NEO1: variants seen among roughly 807,000 people sequenced by gnomAD.
NEO1 encodes the protein neogenin.
In NEO1, 63 loss-of-function variants were observed where a neutral mutation model predicts 159.7. The ratio of observed to expected loss-of-function variants is 0.39; its 90% CI spans 0.32 to 0.49. The LOEUF is 0.49. NEO1 is among the 20% of genes least tolerant of loss of function. NEO1 has a pLI of 0.85. For synonymous variants in NEO1, 633 were observed against 662.0 expected (o/e 0.96, Z 0.67); for missense variants, 1,615 against 1,831.0 (o/e 0.88, Z 2.15).
At position 73,136,043 on chromosome 15, in the gene NEO1, C is replaced by A; in HGVS notation, c.1015+16C>A. 1 of 1,576,936 alleles carries A rather than the reference C, an allele frequency of 6.3e-7. No homozygotes were observed. Among genetic ancestry groups the A allele is most frequent in the Non-Finnish European group, 8.6e-7 (1 of 1,167,014 alleles). Reference sequence around the variant, plus strand: ...ACAGTGCAAGGTATGTAAATATTTACTGTATAATTTAAAAATCCTGTGTAC... The same window carrying A: ...ACAGTGCAAGGTATGTAAATATTTAATGTATAATTTAAAAATCCTGTGTAC... On this transcript the variant is annotated intron_variant, in intron 5 of 28. Coordinates refer to ENST00000261908, the MANE Select transcript of NEO1 (RefSeq NM_002499.4).
chr15:73,169,693 G>C (rs1410993590), intron 5 of NEO1, among the ~76,000 whole-genome samples: 1 of 129,476 alleles, frequency 7.7e-6, no homozygotes, highest in African/African-American at 2.9e-5. Context: ...GTTTTCCAGA[G>C]TAATTATTTA....
intron 18 of NEO1, 139 bp downstream of exon 18, chr15:73,270,593 T>A: frequency 1.0e-6 from 1 of 957,738 alleles, no homozygotes; most frequent in Non-Finnish European, 1.5e-6. Context: ...GCTGACAAGT[T>A]GTGTGTTTTT....
At chr15:73,120,565 T>C (rs2071587422) in intron 2 of NEO1, among the ~76,000 whole-genome samples, 2 of 152,046 alleles carry the variant, frequency 1.3e-5, no homozygotes, top group South Asian at 4.1e-4. Flanking sequence ...AATCACTTTT[T>C]AGATATTATA....
At chr15:73,218,395 G>T (rs1166184647) in intron 7 of NEO1, among the ~76,000 whole-genome samples, 10 of 151,488 alleles carry the variant, frequency 6.6e-5, no homozygotes, top group African/African-American at 2.4e-4. Context: ...CTCTTTTTTG[G>T]TTGTGTCTCT....
intron 1 of NEO1, among the ~76,000 whole-genome samples, chr15:73,089,382 A>G (rs958384789): frequency 6.6e-6 from 1 of 152,148 alleles, no homozygotes; most frequent in African/African-American, 2.4e-5. Context: ...CTCCTAGGCA[A>G]TATTTTTTTT....
At chr15:73,193,055 A>G (rs1383798632) in intron 7 of NEO1, among the ~76,000 whole-genome samples, 2 of 152,120 alleles carry the variant, frequency 1.3e-5, no homozygotes, top group Admixed American at 6.5e-5. Flanking sequence ...ATAGTTTAAT[A>G]AAAGTATTTG....
intron 4 of NEO1, among the ~76,000 whole-genome samples, chr15:73,130,914 G>A (rs969065409): frequency 1.3e-5 from 2 of 152,144 alleles, no homozygotes; most frequent in Admixed American, 6.5e-5. Context: ...TTCTACCCAG[G>A]GAGGCATCAG....
intron 23 of NEO1, among the ~76,000 whole-genome samples, chr15:73,285,451 C>A (rs980319216): frequency 4.6e-5 from 7 of 152,196 alleles, no homozygotes; most frequent in African/African-American, 1.2e-4. Flanking sequence ...TCTGTATTGG[C>A]ACGTCCTACA....
At chr15:73,130,905 TC>T (rs1474430664) in intron 4 of NEO1, among the ~76,000 whole-genome samples, 3 of 152,162 alleles carry the variant, frequency 2.0e-5, no homozygotes, top group African/African-American at 7.2e-5. Flanking sequence ...TCCTACCCCT[TC>T]TACCCAGGGA....
chr15:73,147,359 A>T (rs1462613946), intron 5 of NEO1, among the ~76,000 whole-genome samples: 1 of 152,056 alleles, frequency 6.6e-6, no homozygotes, highest in Non-Finnish European at 1.5e-5. Context: ...TTAAATTGAC[A>T]TCTCAGATAA....
rs2040572689 is a variant in NEO1 at position 73,260,481 on chromosome 15, A to G, written c.2398+16A>G. 2 of 1,544,594 alleles carry G rather than the reference A, an allele frequency of 1.3e-6. No homozygotes were observed. The highest frequency in any genetic ancestry group is 1.8e-6 in the Non-Finnish European group (2 of 1,132,996). ...GAAAATCTGGGTATGTTTGCTAAGTAGAGAAAGTTAATTGTGTGGGAGATT... is the reference window on the plus strand; with the variant it reads ...GAAAATCTGGGTATGTTTGCTAAGTGGAGAAAGTTAATTGTGTGGGAGATT... On this transcript the variant is annotated intron_variant, in intron 15 of 28. Coordinates refer to ENST00000261908, the MANE Select transcript of NEO1 (RefSeq NM_002499.4).
rs931431043 is a variant in NEO1 at position 73,105,868 on chromosome 15, A to T, written c.131-10672A>T. On this transcript the variant is annotated intron_variant, in intron 1 of 28. Coordinates refer to ENST00000261908, the MANE Select transcript of NEO1 (RefSeq NM_002499.4). Reference sequence around the variant, plus strand: ...ACTACTGTTAATAATGAATTTGATCATTTAGTTAAGATGGTATCTGCCAAA... The same window carrying T: ...ACTACTGTTAATAATGAATTTGATCTTTTAGTTAAGATGGTATCTGCCAAA... 6.1e-4 allele frequency among the ~76,000 whole-genome samples: 93 copies of T among 152,150 alleles called. 2 individuals carry two copies. The highest frequency in any genetic ancestry group is 6.1e-3 in the Admixed American group (93 of 15,276).
intron 1 of NEO1, among the ~76,000 whole-genome samples, chr15:73,113,514 C>G (rs978579924): frequency 1.3e-5 from 2 of 152,162 alleles, no homozygotes; most frequent in Non-Finnish European, 2.9e-5. Flanking sequence ...TTTCAAACTT[C>G]TAGGGAAACA....
intron 1 of NEO1, among the ~76,000 whole-genome samples, chr15:73,090,752 C>A (rs1405353816): frequency 6.6e-6 from 1 of 152,046 alleles, no homozygotes. Context: ...TACATGTTAC[C>A]TCCTGTTCCT....
intron 1 of NEO1, among the ~76,000 whole-genome samples, chr15:73,059,783 A>C (rs1259596275): frequency 7.2e-5 from 11 of 152,214 alleles, no homozygotes; most frequent in African/African-American, 2.7e-4. Context: ...TAGAATTCTC[A>C]AGAAGGAGTT....
intron 8 of NEO1, among the ~76,000 whole-genome samples, chr15:73,239,968 C>CAGT (rs2039408547): frequency 6.6e-6 from 1 of 152,128 alleles, no homozygotes; most frequent in African/African-American, 2.4e-5. Context: ...GGTACAGCGT[C>CAGT]AGTAAGTACC....
rs1488065487 is a variant in NEO1 at position 73,221,464 on chromosome 15, A to G, written c.1292-14883A>G. Among the ~76,000 whole-genome samples the G allele has an allele frequency of 2.0e-5, 3 of 151,450 alleles. No individual in the cohort carries two copies. In the East Asian group the frequency reaches 5.8e-4, roughly 29 times the overall value. On this transcript the variant is annotated intron_variant, in intron 7 of 28. Transcript: ENST00000261908. ...AACCACTGCTCTCTGCAAAGCTGTCAGACAGGGACATTTAAGTCTGCAGAG... is the reference window on the plus strand; with the variant it reads ...AACCACTGCTCTCTGCAAAGCTGTCGGACAGGGACATTTAAGTCTGCAGAG...
intron 20 of NEO1, 115 bp downstream of exon 20, chr15:73,274,120 T>C: frequency 3.1e-6 from 3 of 981,530 alleles, no homozygotes; most frequent in Non-Finnish European, 4.5e-6. Flanking sequence ...AATGATGAGC[T>C]TGTGAGCCAT....
intron 5 of NEO1, among the ~76,000 whole-genome samples, chr15:73,158,294 T>C (rs1430013038): frequency 6.7e-6 from 1 of 150,014 alleles, no homozygotes; most frequent in African/African-American, 2.4e-5. Flanking sequence ...AAATTTCTCC[T>C]GGGATATTAA....
Sources: allele counts gnomAD v4.1 joint callset (sites outside exome capture counted in the v4.1 genomes callset), GRCh38; gene constraint gnomAD v4.1.1; transcripts MANE v1.5; gene names NCBI Gene and HGNC (gene_info 2026-07-23, HGNC 2026-07-21).